The following PARD3B variants were observed in gnomAD, a reference collection of about 807,000 sequenced individuals.
PARD3B encodes partitioning defective 3 homolog B.
A neutral mutation model predicts 130.2 loss-of-function variants in PARD3B; 103 were observed. That is an observed-to-expected ratio of 0.79 (90% CI 0.67 to 0.93). The LOEUF is 0.93. Among genes scored for constraint, PARD3B ranks in the 40% least tolerant of loss-of-function variants. PARD3B has a pLI of 0.00. For missense variants in PARD3B, 1,609 were observed against 1,499.2 expected (o/e 1.07, Z -1.21); for synonymous variants, 583 against 553.2 (o/e 1.05, Z -0.76).
chr2:204,632,059 G>C (rs2034696683), intron 1 of PARD3B, among the ~76,000 whole-genome samples: 1 of 152,194 alleles, frequency 6.6e-6, no homozygotes, highest in African/African-American at 2.4e-5. Context: ...TGGAGCCTGT[G>C]GGGAGGTGAC....
At chr2:205,612,841 G>GC (rs1004206172) in intron 22 of PARD3B, among the ~76,000 whole-genome samples, 2 of 152,152 alleles carry the variant, frequency 1.3e-5, no homozygotes, top group African/African-American at 4.8e-5. Flanking sequence ...CTTGAGGTCT[G>GC]CCCTATCTGC....
In PARD3B at chr2:205,025,775, A is replaced by G. The variant is rs1005282392; in HGVS notation, c.395-21806A>G. ...GACATCCAAGGCTGACTCCTATTCCATGTTTTGCCCCAACCACCGAACACG... is the reference window on the plus strand; with the variant it reads ...GACATCCAAGGCTGACTCCTATTCCGTGTTTTGCCCCAACCACCGAACACG... On this transcript the variant is annotated intron_variant, in intron 3 of 22. Coordinates refer to ENST00000406610, the MANE Select transcript of PARD3B (RefSeq NM_001302769.2). Among the ~76,000 whole-genome samples the G allele has an allele frequency of 1.5e-4, 23 of 151,898 alleles. 1 individual carries two copies. The highest frequency in any genetic ancestry group is 1.4e-3 in the Admixed American group (22 of 15,242).
At chr2:205,147,277 T>C (rs886798443) in intron 10 of PARD3B, among the ~76,000 whole-genome samples, 2 of 152,192 alleles carry the variant, frequency 1.3e-5, no homozygotes, top group Non-Finnish European at 2.9e-5. Context: ...AAAAACTTCC[T>C]TGTGTCACTA....
Position 205,230,862 on chromosome 2 carries a change from A to G in PARD3B, c.2141-14916A>G, listed in dbSNP as rs114262739. ...TAGGGCTGGTCTGAGTGCTCCCTCC[A>G]TGGACTCTGGCTGTGTTCTGCCTGG... is the stretch of plus-strand genomic sequence containing the variant. On this transcript the variant is annotated intron_variant, in intron 15 of 22. Coordinates refer to ENST00000406610, the MANE Select transcript of PARD3B (RefSeq NM_001302769.2). This position sits in a 1 kb window ranked among gnomAD's most constrained non-coding sequence, Gnocchi z 4.1. Among the ~76,000 whole-genome samples the G allele has an allele frequency of 6.4e-3, 977 of 151,980 alleles. 13 individuals are homozygous for G. Among genetic ancestry groups the G allele is most frequent in the African/African-American group, 0.022 (921 of 41,448 alleles).
At chr2:205,174,834 G>T (rs1294540210) in intron 12 of PARD3B, among the ~76,000 whole-genome samples, 1 of 152,172 alleles carries the variant, frequency 6.6e-6, no homozygotes. Flanking sequence ...TTTTGATGAG[G>T]ACCTTGTGAA....
chr2:204,996,938 C>T (rs1181370755), intron 3 of PARD3B, among the ~76,000 whole-genome samples: 1 of 152,040 alleles, frequency 6.6e-6, no homozygotes, highest in African/African-American at 2.4e-5. Context: ...CCTGCTTCGG[C>T]TCGCACATGG....
At chr2:204,827,855 A>G (rs974676045) in intron 2 of PARD3B, among the ~76,000 whole-genome samples, 3 of 152,220 alleles carry the variant, frequency 2.0e-5, no homozygotes, top group African/African-American at 7.2e-5. Flanking sequence ...GAATAGATGC[A>G]TAAATATCTG....
At chr2:205,311,432 G>A (rs190172134) in intron 18 of PARD3B, among the ~76,000 whole-genome samples, 1 of 152,148 alleles carries the variant, frequency 6.6e-6, no homozygotes, top group African/African-American at 2.4e-5. Context: ...TCACTGAGCA[G>A]TTTTTCATGT....
chr2:205,239,878 A>G (rs748151623), intron 15 of PARD3B, among the ~76,000 whole-genome samples: 74 of 152,170 alleles, frequency 4.9e-4, no homozygotes, highest in Non-Finnish European at 9.1e-4. Flanking sequence ...TAAATGAGAT[A>G]AATGTTTGCA....
intron 2 of PARD3B, among the ~76,000 whole-genome samples, chr2:204,868,134 A>G (rs2045496781): frequency 6.6e-6 from 1 of 152,198 alleles, no homozygotes; most frequent in African/African-American, 2.4e-5. Context: ...GAATGACTTC[A>G]TACAGGTCTC....
chr2:205,337,729 A>G lies in PARD3B; in HGVS notation c.2630+36028A>G, dbSNP rs980861440. ...TTTTGGTGCATAAGTAAATATAATC[A>G]TAACTTACTTTCTTTTTGTAAATGA... On this transcript the variant is annotated intron_variant, in intron 18 of 22. Transcript: ENST00000406610. Among the ~76,000 whole-genome samples, 4 of 152,246 alleles carry G rather than the reference A, an allele frequency of 2.6e-5. No individual in the cohort carries two copies. The East Asian group carries it at 7.7e-4, about 29-fold the overall frequency.
intron 18 of PARD3B, among the ~76,000 whole-genome samples, chr2:205,384,539 C>T (rs1055586774): frequency 6.6e-6 from 1 of 152,162 alleles, no homozygotes; most frequent in African/African-American, 2.4e-5. Context: ...TAAAAGTCCA[C>T]CTAAAATAAT....
At chr2:205,133,937 A>T (rs2032246167) in intron 10 of PARD3B, among the ~76,000 whole-genome samples, 1 of 152,188 alleles carries the variant, frequency 6.6e-6, no homozygotes, top group Non-Finnish European at 1.5e-5. Context: ...GACTTGGAAT[A>T]TTGGGTTGTT....
intron 2 of PARD3B, among the ~76,000 whole-genome samples, chr2:204,783,010 C>T (rs1174528776): frequency 2.6e-5 from 4 of 152,004 alleles, no homozygotes; most frequent in Non-Finnish European, 4.4e-5. Flanking sequence ...GTTCTATCTA[C>T]CTGTTGTATT....
At chr2:205,346,212 T>C (rs2043760635) in intron 18 of PARD3B, among the ~76,000 whole-genome samples, 2 of 149,294 alleles carry the variant, frequency 1.3e-5, no homozygotes, top group Admixed American at 6.7e-5. Flanking sequence ...AATAAATAAA[T>C]AAATAAATTT....
intron 18 of PARD3B, among the ~76,000 whole-genome samples, chr2:205,311,618 G>A (rs1243145665): frequency 2.6e-5 from 4 of 152,164 alleles, no homozygotes; most frequent in African/African-American, 9.7e-5. Flanking sequence ...TCTAACTGCT[G>A]TTTTGTAATG....
At chr2:205,539,502 G>A (rs909377205) in intron 21 of PARD3B, among the ~76,000 whole-genome samples, 8 of 152,092 alleles carry the variant, frequency 5.3e-5, no homozygotes, top group African/African-American at 1.9e-4. Flanking sequence ...GTGGTCAGGG[G>A]CCCATCAGCA....
intron 21 of PARD3B, among the ~76,000 whole-genome samples, chr2:205,540,990 A>T (rs1039228133): frequency 6.6e-6 from 1 of 152,178 alleles, no homozygotes; most frequent in African/African-American, 2.4e-5. Flanking sequence ...CAATTAAATG[A>T]TTATATCAAA....
intron 4 of PARD3B, among the ~76,000 whole-genome samples, chr2:205,099,593 GA>G (rs1702612517): frequency 6.6e-6 from 1 of 152,018 alleles, no homozygotes; most frequent in South Asian, 2.1e-4. Flanking sequence ...GTAATTTTTG[GA>G]AAAAATGATT....
Sources: allele counts gnomAD v4.1 joint callset (sites outside exome capture counted in the v4.1 genomes callset), GRCh38; gene constraint gnomAD v4.1.1; non-coding constraint Gnocchi (gnomAD v3.1); transcripts MANE v1.5; gene names NCBI Gene and HGNC (gene_info 2026-07-23, HGNC 2026-07-21).